PSIP1: variants seen among roughly 807,000 people sequenced by gnomAD.
PSIP1 encodes PC4 and SRSF1 interacting protein 1.
In PSIP1, 19 loss-of-function variants were observed where a neutral mutation model predicts 74.7. The observed-to-expected ratio is 0.25, with a 90% CI of 0.18 to 0.37. The LOEUF is 0.37. PSIP1 is among the 10% of genes least tolerant of loss of function. The pLI is 1.00. For missense variants in PSIP1, 601 were observed against 614.3 expected (o/e 0.98, Z 0.23); for synonymous variants, 222 against 195.3 (o/e 1.14, Z -1.14).
At chr9:15,485,686 T>C (rs796298698) in intron 6 of PSIP1, among the ~76,000 whole-genome samples, 5 of 152,318 alleles carry the variant, frequency 3.3e-5, no homozygotes, top group African/African-American at 1.2e-4. Context: ...CATAAACATT[T>C]CACATATGTT....
intron 11 of PSIP1, among the ~76,000 whole-genome samples, chr9:15,469,574 T>C (rs1244254984): frequency 6.6e-6 from 1 of 152,174 alleles, no homozygotes; most frequent in Non-Finnish European, 1.5e-5. Context: ...TGGCTGCGTT[T>C]TTCCTAAAAT....
chr9:15,472,887 T>A, intron 9 of PSIP1, 137 bp from the exon 10 acceptor site: 1 of 760,156 alleles, frequency 1.3e-6, no homozygotes, highest in Non-Finnish European at 2.1e-6. Flanking sequence ...CTAAAAATAG[T>A]CTTTGAATTA....
chr9:15,473,915 C>CCAAAAAAAAACAAAAAAAAA (rs2035954094), intron 9 of PSIP1, 94 bp downstream of exon 9: 1 of 557,724 alleles, frequency 1.8e-6, no homozygotes, highest in African/African-American at 3.1e-5. Context: ...AAAAAAAAAA[C>CCAAAAAAAAACAAAAAAAAA]AAAAAAAAAA....
chr9:15,495,587 T>C (rs1230418606), intron 3 of PSIP1, among the ~76,000 whole-genome samples: 1 of 152,214 alleles, frequency 6.6e-6, no homozygotes, highest in Non-Finnish European at 1.5e-5. Context: ...TCAAGAATAG[T>C]TTGAACAGTG....
chr9:15,473,285 AG>A (rs1438669294), intron 9 of PSIP1, among the ~76,000 whole-genome samples: 1 of 152,222 alleles, frequency 6.6e-6, no homozygotes, highest in Non-Finnish European at 1.5e-5. Context: ...ATAGGCCTGA[AG>A]GGTGTTAAGA....
rs1419332279 is a variant in PSIP1 at position 15,472,318 on chromosome 9, GTATTA to G, written c.977+309_977+313del. On this transcript the variant is annotated intron_variant, in intron 10 of 15. Coordinates refer to ENST00000380733, the MANE Select transcript of PSIP1 (RefSeq NM_033222.5). ...TATATTATCGCCCCTCTATCTATAT[GTATTA>G]TATTATACAAACAAATGGTTGAGGA... 1.4e-5 allele frequency: 15 copies of G among 1,091,010 alleles called. No homozygotes were observed. The Admixed American group carries it at 2.1e-4, about 15-fold the overall frequency. The allele number at this position is 1,091,010 out of a possible 1,614,324, so 67.6% of individuals were successfully genotyped here.
chr9:15,473,888 G>A lies in PSIP1; in HGVS notation c.858+121C>T, dbSNP rs377369593. On this transcript the variant is annotated intron_variant, in intron 9 of 15. Coordinates refer to ENST00000380733, the MANE Select transcript of PSIP1 (RefSeq NM_033222.5). The stretch of plus-strand genomic sequence containing the variant: ...TGCACTCCAGCCTAAGCAACACAGC[G>A]AGACTCCATCTCAAACAAAAAAAAA... The A allele has an allele frequency of 8.8e-5, 62 of 700,908 alleles. 1 individual carries two copies. Among genetic ancestry groups the A allele is most frequent in the Middle Eastern group, 9.2e-4 (2 of 2,176 alleles). 43.4% of individuals were successfully genotyped at this position (700,908 alleles called of 1,614,324 possible).
chr9:15,491,742 C>T (rs1563888168), intron 3 of PSIP1, among the ~76,000 whole-genome samples: 1 of 152,118 alleles, frequency 6.6e-6, no homozygotes, highest in Admixed American at 6.5e-5. Context: ...TGAAGAAATA[C>T]CAGAGACTGG....
intron 3 of PSIP1, among the ~76,000 whole-genome samples, chr9:15,504,516 T>A (rs1421295489): frequency 6.6e-6 from 1 of 152,194 alleles, no homozygotes; most frequent in African/African-American, 2.4e-5. Flanking sequence ...GGTGGGCAGA[T>A]CACGAGGTCA....
chr9:15,501,607 C>T (rs548559331), intron 3 of PSIP1, among the ~76,000 whole-genome samples: 2 of 151,896 alleles, frequency 1.3e-5, no homozygotes, highest in South Asian at 2.1e-4. Flanking sequence ...TGGGCTAGTT[C>T]GTATAGGTTT....
chr9:15,477,274 C>T (rs971598599), intron 8 of PSIP1, among the ~76,000 whole-genome samples: 8 of 152,098 alleles, frequency 5.3e-5, no homozygotes, highest in Non-Finnish European at 8.8e-5. Flanking sequence ...TTTTGATGTA[C>T]GTATACACTG....
Position 15,466,753 on chromosome 9 carries a change from C to G in PSIP1, c.1527G>C (p.Lys509Asn), listed in dbSNP as rs1376830444. The change falls in exon 15 of 16, where the codon AAG becomes AAC. Residue 509 changes from lysine to asparagine, a missense_variant. Physicochemically the swap from Lys to Asn is moderately conservative, Grantham distance 94. Around this residue, in one of 2 missense-constraint regions of PSIP1, gnomAD observed 538 missense variants for 507.6 expected, o/e 1.06. Transcript: ENST00000380733. ...CATTAAAACCTATTCCTCACTTTTT[C>G]TTCGTGCTGGCTTCATGGTTGTCTT... is the stretch of plus-strand genomic sequence containing the variant. ...DSKDNHEAST[K>N]KKPSSEERET... The G allele has an allele frequency of 1.2e-6, 2 of 1,605,004 alleles. No individual in the cohort carries two copies. Among genetic ancestry groups the G allele is most frequent in the Non-Finnish European group, 1.7e-6 (2 of 1,177,292 alleles).
Position 15,479,682 on chromosome 9 carries a change from T to C in PSIP1, c.462A>G (p.Glu154=), listed in dbSNP as rs544044615. Residue 154 remains glutamate, a synonymous_variant, in exon 7 of 16, where the codon GAA becomes GAG. Transcript: ENST00000380733. Reference sequence around the variant, plus strand: ...CTGCCTCCTCAGTTTCTACTTGTTTTTCTGCCTGAATTACAAAAATTTAAT... The same window carrying C: ...CTGCCTCCTCAGTTTCTACTTGTTTCTCTGCCTGAATTACAAAAATTTAAT... ...AARRGRKRKA[E]KQVETEEAGV... 8.4e-5 allele frequency: 135 copies of C among 1,611,926 alleles called. 1 individual carries two copies. In the South Asian group the frequency reaches 1.4e-3, roughly 17 times the overall value.
chr9:15,472,232 G>C (rs940098038), intron 10 of PSIP1: 4 of 990,310 alleles, frequency 4.0e-6, no homozygotes, highest in Non-Finnish European at 3.6e-6. Context: ...CTGGTCTTTA[G>C]GGTGAGGCCT....
chr9:15,498,490 A>G (rs920994903), intron 3 of PSIP1, among the ~76,000 whole-genome samples: 1 of 152,040 alleles, frequency 6.6e-6, no homozygotes, highest in South Asian at 2.1e-4. Flanking sequence ...AGACTCAAAA[A>G]TGACAGCAGA....
At chr9:15,473,904 C>CAAAAAAAAAAAACAAAAAAAAAA (rs372363481) in intron 9 of PSIP1, 105 bp downstream of exon 9, 1 of 630,006 alleles carries the variant, frequency 1.6e-6, no homozygotes, top group African/African-American at 4.0e-5. Flanking sequence ...CCATCTCAAA[C>CAAAAAAAAAAAACAAAAAAAAAA]AAAAAAAAAA....
chr9:15,493,635 C>T (rs539700128), intron 3 of PSIP1, among the ~76,000 whole-genome samples: 1 of 152,314 alleles, frequency 6.6e-6, no homozygotes, highest in East Asian at 1.9e-4. Flanking sequence ...ACTCAAAGTT[C>T]CGCATGGCTG....
intron 3 of PSIP1, among the ~76,000 whole-genome samples, chr9:15,497,039 T>C (rs1423419207): frequency 2.0e-5 from 3 of 152,132 alleles, no homozygotes; most frequent in African/African-American, 4.8e-5. Context: ...AAACGTGAAA[T>C]TACATCTGAC....
intron 2 of PSIP1, among the ~76,000 whole-genome samples, chr9:15,507,638 T>C (rs535994992): frequency 6.6e-6 from 1 of 151,040 alleles, no homozygotes; most frequent in Admixed American, 6.6e-5. Context: ...ATCCTGTCTT[T>C]AAAAAAAACA....
Sources: allele counts gnomAD v4.1 joint callset (sites outside exome capture counted in the v4.1 genomes callset), GRCh38; gene constraint gnomAD v4.1.1; regional missense constraint gnomAD v4.1.1; transcripts MANE v1.5; gene names NCBI Gene and HGNC (gene_info 2026-07-23, HGNC 2026-07-21).